The following TGM7 variants were observed in gnomAD, a reference collection of about 807,000 sequenced individuals.
TGM7 encodes protein-glutamine gamma-glutamyltransferase Z.
In TGM7, 74 loss-of-function variants were observed where a neutral mutation model predicts 79.5. The observed-to-expected ratio is 0.93, with a 90% CI of 0.77 to 1.13. The LOEUF (loss-of-function observed/expected upper bound fraction) is 1.13, where lower values mean the gene tolerates loss of function less well. TGM7 is among the 50% of genes most tolerant of loss of function. TGM7 has a pLI of 0.00. For synonymous variants in TGM7, 354 were observed against 362.5 expected, an observed-to-expected ratio of 0.98 and a Z score of 0.27; for missense variants, 912 against 905.9, an observed-to-expected ratio of 1.01 and a Z score of -0.09.
At chr15:43,290,757 GTTC>G (rs1025380380) in intron 4 of TGM7, among the ~76,000 whole-genome samples, 1 of 152,148 alleles carries the variant, frequency 6.6e-6, no homozygotes, top group African/African-American at 2.4e-5. Context: ...GTGGTTTGTA[GTTC>G]TTCTTGAAGA....
At chr15:43,298,860 G>A (rs532919177) in intron 1 of TGM7, among the ~76,000 whole-genome samples, 1 of 152,024 alleles carries the variant, frequency 6.6e-6, no homozygotes, top group Non-Finnish European at 1.5e-5. Flanking sequence ...ATAATAATTT[G>A]TGTACAAAAC....
intron 9 of TGM7, among the ~76,000 whole-genome samples, chr15:43,280,907 G>A (rs747570717): frequency 1.3e-5 from 2 of 152,232 alleles, no homozygotes; most frequent in Non-Finnish European, 2.9e-5. Context: ...AAAGGCAGCC[G>A]CTGAGTGTCT....
rs191818658 is a variant in TGM7, at chr15:43,279,979, T to G, written c.1352-28A>C. The G allele has an allele frequency of 4.4e-6, 7 of 1,600,098 alleles. No individual in the cohort carries two copies. In the African/African-American group the frequency reaches 5.4e-5, roughly 12 times the overall value. The stretch of plus-strand genomic sequence containing the variant: ...GCAGAAGGGAGAGGTAGGAGAGACA[T>G]GCATGGGGAGGGGTGGAGAGGACCA... On this transcript the variant is annotated intron_variant, in intron 9 of 12. Coordinates refer to ENST00000452443, the MANE Select transcript of TGM7 (RefSeq NM_052955.3).
chr15:43,287,011 C>T lies in TGM7; in HGVS notation c.865+269G>A, dbSNP rs1301787840. Reference sequence around the variant, plus strand: ...GAAAGGAGCCATTTGGTTTCTGCTTCGGGACCACAAACTCCTCTATCCAGA... The same window carrying T: ...GAAAGGAGCCATTTGGTTTCTGCTTTGGGACCACAAACTCCTCTATCCAGA... On this transcript the variant is annotated intron_variant, in intron 6 of 12. Transcript: ENST00000452443. Among the ~76,000 whole-genome samples, 30 of 152,278 alleles carry T rather than the reference C, an allele frequency of 2.0e-4. No individual in the cohort carries two copies. The East Asian group carries it at 4.1e-3, about 21-fold the overall frequency.
intron 4 of TGM7, among the ~76,000 whole-genome samples, 162 bp downstream of exon 4, chr15:43,291,817 G>A: frequency 6.6e-6 from 1 of 152,130 alleles, no homozygotes; most frequent in Non-Finnish European, 1.5e-5. Context: ...TTCCTTCCTT[G>A]CCCCTCTCAC....
At chr15:43,285,493 G>A (rs2042930872) in intron 6 of TGM7, among the ~76,000 whole-genome samples, 1 of 152,210 alleles carries the variant, frequency 6.6e-6, no homozygotes, top group Middle Eastern at 3.4e-3. Context: ...GGGTACACAT[G>A]AAGGTTTGTT....
At chr15:43,294,112 T>C (rs1461135960) in intron 1 of TGM7, among the ~76,000 whole-genome samples, 1 of 152,178 alleles carries the variant, frequency 6.6e-6, no homozygotes, top group Non-Finnish European at 1.5e-5. Flanking sequence ...GTCACCCTTT[T>C]ATCCTACTGA....
At position 43,276,634 on chromosome 15, in the gene TGM7, T is replaced by C; in HGVS notation, c.1974-20A>G. Reference sequence around the variant, plus strand: ...CCAAGGCTGAAAGTCAGAAACAGCCTGTGAGAGCCTCGAGGACTTCCTGCT... The same window carrying C: ...CCAAGGCTGAAAGTCAGAAACAGCCCGTGAGAGCCTCGAGGACTTCCTGCT... On this transcript the variant is annotated intron_variant, in intron 12 of 12. Transcript: ENST00000452443. 6.2e-7 allele frequency: 1 copy of C among 1,606,436 alleles called. No individual in the cohort carries two copies. The highest frequency in any genetic ancestry group is 8.5e-7 in the Non-Finnish European group (1 of 1,175,774).
intron 4 of TGM7, among the ~76,000 whole-genome samples, chr15:43,287,924 A>AC (rs963423461): frequency 1.3e-5 from 2 of 150,796 alleles, no homozygotes; most frequent in African/African-American, 4.9e-5. Flanking sequence ...AGAGTGAGAG[A>AC]CCCCCCTCGG....
Position 43,284,890 on chromosome 15 carries a change from C to G in TGM7, c.928G>C (p.Asp310His), listed in dbSNP as rs1036052965. The G allele has an allele frequency of 1.2e-6, 2 of 1,614,212 alleles. No individual in the cohort carries two copies. The highest frequency in any genetic ancestry group is 1.7e-6 in the Non-Finnish European group (2 of 1,180,032). The stretch of plus-strand genomic sequence containing the variant: ...TACGTATCGATGGTCAAGTTCCTAT[C>G]CACGTTGTGCGCGGAACGGAAATTG... ...VSNFRSAHNV[D>H]RNLTIDTYYD... Residue 310 changes from aspartate to histidine, a missense_variant, in exon 7 of 13, where the codon GAT (aspartate) becomes CAT (histidine). Coordinates refer to ENST00000452443, the MANE Select transcript of TGM7 (RefSeq NM_052955.3).
intron 11 of TGM7, 103 bp from the exon 12 acceptor site, chr15:43,277,098 C>A (rs111878542): frequency 1.5e-5 from 22 of 1,452,710 alleles, no homozygotes; most frequent in Non-Finnish European, 1.9e-5. Flanking sequence ...CCAGGAACTG[C>A]GGCTTAGAGC....
chr15:43,282,662 G>A (rs994908841), intron 7 of TGM7, 42 bp from the exon 8 acceptor site: 31 of 1,486,042 alleles, frequency 2.1e-5, no homozygotes, highest in Non-Finnish European at 2.7e-5. Flanking sequence ...TGTTAGCTGA[G>A]GTTTTGCCAG....
chr15:43,279,229 A>C lies in TGM7; in HGVS notation c.1727T>G (p.Leu576Arg), dbSNP rs766741850. 24 of 1,614,026 alleles carry C rather than the reference A, an allele frequency of 1.5e-5. No homozygotes were observed. The African/African-American group carries it at 2.5e-4, about 17-fold the overall frequency. ...LLPYSNYRNK[L>R]TDEKLIRVSG... ...CACGCGGATGAGCTTTTCGTCCGTT[A>C]GCTTGTTTCTGTAATTGCTGTAGGG... The change falls in exon 11 of 13, where the codon CTA becomes CGA. Residue 576 changes from leucine to arginine, a missense_variant. Transcript: ENST00000452443.
chr15:43,293,526 TG>T lies in TGM7; in HGVS notation c.115del (p.Gln39SerfsTer7), dbSNP rs1566846780. The T allele has an allele frequency of 6.2e-7, 1 of 1,611,812 alleles. No individual in the cohort carries two copies. The highest frequency in any genetic ancestry group is 8.5e-7 in the Non-Finnish European group (1 of 1,179,664). ...GAAGCTCAGCCGGAGGTAGAAGGGC[TG>T]GCCGCGGCGCACAGTGAGCCGCTTG... ...GVKRLTVRRG[Q>X]PFYLRLSFSR... is the part of the protein sequence containing the mutation. On this transcript the variant is annotated frameshift_variant, in exon 2 of 13. Coordinates refer to ENST00000452443, the MANE Select transcript of TGM7 (RefSeq NM_052955.3). LOFTEE classifies it high-confidence loss of function.
intron 1 of TGM7, among the ~76,000 whole-genome samples, chr15:43,297,636 A>AGAAC (rs1555386114): frequency 1.5e-3 from 52 of 34,092 alleles, no homozygotes; most frequent in African/African-American, 4.8e-3. Context: ...AAAGAAAGAA[A>AGAAC]AAGAAAGAAA....
At chr15:43,286,625 C>G (rs2042936881) in intron 6 of TGM7, among the ~76,000 whole-genome samples, 1 of 152,198 alleles carries the variant, frequency 6.6e-6, no homozygotes, top group African/African-American at 2.4e-5. Context: ...CAGAGTCACC[C>G]TGTTAGTTCA....
chr15:43,276,646 G>C lies in TGM7; in HGVS notation c.1974-32C>G, dbSNP rs560925920. On this transcript the variant is annotated intron_variant, in intron 12 of 12. Transcript: ENST00000452443. ...GTCAGAAACAGCCTGTGAGAGCCTC[G>C]AGGACTTCCTGCTGGCGGCAGGGGT... is the stretch of plus-strand genomic sequence containing the variant. 1.2e-4 allele frequency: 190 copies of C among 1,599,602 alleles called. 2 individuals are homozygous for C. The South Asian group carries it at 1.9e-3, about 16-fold the overall frequency.
At chr15:43,278,276 G>A (rs1298550761) in intron 11 of TGM7, among the ~76,000 whole-genome samples, 3 of 152,170 alleles carry the variant, frequency 2.0e-5, no homozygotes, top group African/African-American at 4.8e-5. Flanking sequence ...CGAGGCTTTC[G>A]GGAAGGAAAA....
intron 6 of TGM7, 72 bp downstream of exon 6, chr15:43,287,208 C>G: frequency 6.6e-7 from 1 of 1,525,316 alleles, no homozygotes; most frequent in Non-Finnish European, 8.8e-7. Flanking sequence ...GCTACTGAAC[C>G]TTTATGAGCC....
Sources: gnomAD v4.1 joint callset for allele counts (sites outside exome capture counted in the v4.1 genomes callset) on GRCh38, gnomAD v4.1.1 for gene constraint, MANE v1.5 for transcripts, NCBI Gene and HGNC (gene_info 2026-07-23, HGNC 2026-07-21) for gene names.